Variants in LRCH2 observed in about 807,000 individuals in gnomAD.
LRCH2 encodes leucine rich repeats and calponin homology domain containing 2.
LRCH2 carries 38 observed loss-of-function variants against 68.9 expected under a neutral mutation model. The observed-to-expected ratio is 0.55, with a 90% CI of 0.43 to 0.72. The LOEUF (loss-of-function observed/expected upper bound fraction) is 0.72. Ranked by LOEUF, LRCH2 falls within the 30% of genes least tolerant of loss-of-function variation. The pLI is 0.00. For synonymous variants in LRCH2, 191 were observed against 208.1 expected (o/e 0.92, Z 0.71); for missense variants, 528 against 572.9 (o/e 0.92, Z 0.80).
chrX:115,192,222 C>T, intron 1 of LRCH2: 1 of 1,158,973 alleles, frequency 8.6e-7, no homozygotes, highest in African/African-American at 1.8e-5. Flanking sequence ...ACGGCGGGGG[C>T]CGCGGCCTCA....
rs782718019 is a variant in LRCH2, at chrX:115,125,858, T to C, written c.1791+985A>G. On this transcript the variant is annotated intron_variant, in intron 16 of 20. Coordinates refer to ENST00000317135, the MANE Select transcript of LRCH2 (RefSeq NM_020871.4). The stretch of plus-strand genomic sequence containing the variant: ...TAATTTTAAGATATCCTAATTTAAA[T>C]TGTTTTCTAAAAGTGTGTATACCAT... 1.9e-4 allele frequency among the ~76,000 whole-genome samples: 20 copies of C among 107,704 alleles called. No individual in the cohort carries two copies. In the South Asian group the frequency reaches 6.4e-3, roughly 35 times the overall value. 93.5% of individuals were successfully genotyped at this position (107,704 alleles called of 115,157 possible).
At chrX:115,197,819 T>TCA (rs1556564127) in intron 1 of LRCH2, among the ~76,000 whole-genome samples, 1 of 5,625 alleles carries the variant, frequency 1.8e-4, no homozygotes, top group African/African-American at 5.5e-4. Context: ...ACAGAACAAG[T>TCA]CTCTCTCTCT....
intron 1 of LRCH2, among the ~76,000 whole-genome samples, chrX:115,188,661 T>C (rs2072752837): frequency 9.0e-6 from 1 of 111,123 alleles, no homozygotes; most frequent in African/African-American, 3.3e-5. Flanking sequence ...CGAAATCCTG[T>C]GTCTACTAAA....
At chrX:115,206,851 A>G (rs2072971208) in intron 1 of LRCH2, among the ~76,000 whole-genome samples, 2 of 103,140 alleles carry the variant, frequency 1.9e-5, no homozygotes, top group South Asian at 4.8e-4. Flanking sequence ...AAACATCCTA[A>G]GCATTGGGTA....
chrX:115,167,149 A>C (rs782527714), intron 6 of LRCH2, among the ~76,000 whole-genome samples: 1 of 92,669 alleles, frequency 1.1e-5, no homozygotes. Flanking sequence ...CCCTGGTGGT[A>C]ATCACTATGT....
At chrX:115,206,211 C>T (rs1263121176) in intron 1 of LRCH2, among the ~76,000 whole-genome samples, 1 of 112,061 alleles carries the variant, frequency 8.9e-6, no homozygotes, top group East Asian at 2.8e-4. Context: ...TGGATGATTT[C>T]ATGTATTTAT....
At chrX:115,192,673 C>G in intron 1 of LRCH2, 1 of 1,153,467 alleles carries the variant, frequency 8.7e-7, no homozygotes, top group Non-Finnish European at 1.2e-6. Context: ...CCCAAAAATT[C>G]CTTTTCAAAG....
chrX:115,137,256 T>C (rs1435432641), intron 14 of LRCH2, among the ~76,000 whole-genome samples: 5 of 110,417 alleles, frequency 4.5e-5, no homozygotes, highest in Admixed American at 9.8e-5. Flanking sequence ...GCAATAGAGA[T>C]AGACATGAAT....
chrX:115,218,623 G>C (rs1298338235), intron 1 of LRCH2, among the ~76,000 whole-genome samples: 1 of 112,334 alleles, frequency 8.9e-6, no homozygotes, highest in Non-Finnish European at 1.9e-5. Context: ...TAACATAGCA[G>C]TGCAGCTTTG....
At chrX:115,118,258 G>A (rs2072101498) in intron 20 of LRCH2, among the ~76,000 whole-genome samples, 1 of 109,117 alleles carries the variant, frequency 9.2e-6, no homozygotes, top group Non-Finnish European at 1.9e-5. Flanking sequence ...CAACAAAATT[G>A]ATAAACCGCT....
chrX:115,196,861 C>T (rs782816469), intron 1 of LRCH2, among the ~76,000 whole-genome samples: 5 of 110,936 alleles, frequency 4.5e-5, no homozygotes, highest in Non-Finnish European at 5.7e-5. Flanking sequence ...CAAACATGAG[C>T]CTGCCTGGAA....
rs1174706008 is a variant in LRCH2 at position 115,192,267 on chromosome X, C to T, written c.350-3897G>A. 6 of 1,164,908 alleles carry T rather than the reference C, an allele frequency of 5.2e-6. No homozygotes were observed. In the African/African-American group the frequency reaches 1.1e-4, roughly 21 times the overall value. ...ACAACAGTCATGGCCGGAGCCACCG[C>T]TACGGAGGAGGAGGCCGCTACGAGG... is the stretch of plus-strand genomic sequence containing the variant. On this transcript the variant is annotated intron_variant, in intron 1 of 20. Transcript: ENST00000317135.
chrX:115,192,264 C>A lies in LRCH2; in HGVS notation c.350-3894G>T, dbSNP rs1160475663. ...CCAACAACAGTCATGGCCGGAGCCA[C>A]CGCTACGGAGGAGGAGGCCGCTACG... On this transcript the variant is annotated intron_variant, in intron 1 of 20. Transcript: ENST00000317135. 6 of 1,165,054 alleles carry A rather than the reference C, an allele frequency of 5.1e-6. No individual in the cohort carries two copies. The African/African-American group carries it at 1.1e-4, about 21-fold the overall frequency.
intron 12 of LRCH2, among the ~76,000 whole-genome samples, chrX:115,155,034 C>CCA: frequency 2.8e-5 from 1 of 35,227 alleles, no homozygotes; most frequent in African/African-American, 1.2e-4. Flanking sequence ...GAGCAAGACT[C>CCA]TGTCAAAAAA....
At chrX:115,218,601 C>A (rs782673678) in intron 1 of LRCH2, among the ~76,000 whole-genome samples, 11 of 112,459 alleles carry the variant, frequency 9.8e-5, no homozygotes, top group Non-Finnish European at 2.1e-4. Context: ...TGATTGCACG[C>A]CAAGTCTTCG....
chrX:115,117,471 C>T (rs1556524433), intron 20 of LRCH2, among the ~76,000 whole-genome samples: 1 of 111,468 alleles, frequency 9.0e-6, no homozygotes, highest in African/African-American at 3.3e-5. Flanking sequence ...TGTATAAATC[C>T]ATACAAAGAC....
chrX:115,234,059 T>A lies in LRCH2; in HGVS notation c.-18A>T. The A allele has an allele frequency of 2.6e-6, 3 of 1,160,902 alleles. No homozygotes were observed. Among genetic ancestry groups the A allele is most frequent in the Non-Finnish European group, 3.4e-6 (3 of 870,034 alleles). On this transcript the variant is annotated 5_prime_UTR_variant, in exon 1 of 21. Transcript: ENST00000317135. ...GCCGCCATGTTCCTGGGAGAGAGAA[T>A]AGCCCCCGACAATACTGTCAGCCTG...
intron 1 of LRCH2, among the ~76,000 whole-genome samples, chrX:115,195,572 A>C (rs2072881318): frequency 9.0e-6 from 1 of 111,017 alleles, no homozygotes; most frequent in Non-Finnish European, 1.9e-5. Flanking sequence ...ACTTAGAAAA[A>C]CCAAAGTGGT....
At chrX:115,177,664 T>C (rs782275410) in intron 5 of LRCH2, among the ~76,000 whole-genome samples, 1 of 111,763 alleles carries the variant, frequency 8.9e-6, no homozygotes, top group Non-Finnish European at 1.9e-5. Context: ...CTGGGATACA[T>C]GTGCAAAATG....
Sources: allele counts gnomAD v4.1 joint callset (sites outside exome capture counted in the v4.1 genomes callset), GRCh38; gene constraint gnomAD v4.1.1; transcripts MANE v1.5; gene names NCBI Gene and HGNC (gene_info 2026-07-23, HGNC 2026-07-21).